TXNDC16: variants seen among roughly 807,000 people sequenced by gnomAD.
TXNDC16 encodes thioredoxin domain containing 16.
Under a neutral mutation model 85.6 loss-of-function variants are expected in TXNDC16, and 74 were observed. The observed-to-expected ratio is 0.86, with a 90% CI of 0.72 to 1.05. The LOEUF (loss-of-function observed/expected upper bound fraction) is 1.05. Ranked by LOEUF, TXNDC16 falls within the 50% of genes least tolerant of loss-of-function variation. The pLI, the probability that TXNDC16 is intolerant of heterozygous loss-of-function variation, is 0.00. For synonymous variants in TXNDC16, 335 were observed against 326.5 expected (o/e 1.03, Z -0.28); for missense variants, 959 against 947.0 (o/e 1.01, Z -0.17).
At chr14:52,537,708 T>C (rs370044734) in intron 4 of TXNDC16, 36 bp from the exon 5 acceptor site, 2 of 1,231,966 alleles carry the variant, frequency 1.6e-6, no homozygotes, top group African/African-American at 1.5e-5. Flanking sequence ...AGCATATATA[T>C]CAAAAGGTCA....
chr14:52,533,822 A>C (rs1010726020), intron 6 of TXNDC16, among the ~76,000 whole-genome samples: 10 of 152,148 alleles, frequency 6.6e-5, no homozygotes, highest in Non-Finnish European at 1.3e-4. Context: ...GTGTGGGGTA[A>C]GAGCGGAAAG....
chr14:52,470,458 G>GA (rs1211426403), intron 15 of TXNDC16, 54 bp downstream of exon 15: 1 of 1,536,944 alleles, frequency 6.5e-7, no homozygotes, highest in Non-Finnish European at 8.7e-7. Context: ...CTGAGAATTA[G>GA]AACTTCTAAA....
intron 8 of TXNDC16, among the ~76,000 whole-genome samples, chr14:52,512,336 A>G (rs1170012260): frequency 6.6e-6 from 1 of 152,220 alleles, no homozygotes; most frequent in Non-Finnish European, 1.5e-5. Flanking sequence ...TATAAGGAAC[A>G]AGGAAATATT....
At chr14:52,476,457 GA>G (rs889704451) in intron 14 of TXNDC16, among the ~76,000 whole-genome samples, 5 of 151,966 alleles carry the variant, frequency 3.3e-5, no homozygotes, top group Non-Finnish European at 7.4e-5. Flanking sequence ...AGTAAAGGGA[GA>G]AATATTCAAT....
intron 16 of TXNDC16, among the ~76,000 whole-genome samples, chr14:52,462,083 C>T (rs1350572372): frequency 2.6e-5 from 4 of 152,200 alleles, no homozygotes; most frequent in African/African-American, 9.7e-5. Context: ...TACCAAATAT[C>T]ACACATACAT....
intron 9 of TXNDC16, among the ~76,000 whole-genome samples, chr14:52,508,810 G>C (rs186790876): frequency 6.6e-6 from 1 of 152,204 alleles, no homozygotes; most frequent in Admixed American, 6.5e-5. Context: ...GCAAAGTATT[G>C]CAAGGACAAA....
chr14:52,495,899 C>T (rs2036520275), intron 9 of TXNDC16, among the ~76,000 whole-genome samples: 1 of 152,128 alleles, frequency 6.6e-6, no homozygotes, highest in Non-Finnish European at 1.5e-5. Flanking sequence ...GTGGCTCACG[C>T]CTGTAATCCC....
chr14:52,459,214 T>C (rs987089778), intron 16 of TXNDC16, among the ~76,000 whole-genome samples: 2 of 152,110 alleles, frequency 1.3e-5, no homozygotes, highest in African/African-American at 4.8e-5. Context: ...CACACACACA[T>C]ACATACATCT....
rs1240405265 is a variant in TXNDC16 at position 52,506,803 on chromosome 14, G to A, written c.756+4437C>T. ...GATCTCCTGACCTCATGATCCACCC[G>A]CCTCGGCCTCCCAAAGTGCTGGGAT... On this transcript the variant is annotated intron_variant, in intron 9 of 20. Transcript: ENST00000281741. 4.2e-5 allele frequency among the ~76,000 whole-genome samples: 6 copies of A among 144,170 alleles called. No individual in the cohort carries two copies. In the East Asian group the frequency reaches 1.1e-3, roughly 26 times the overall value. The allele number at this position is 144,170 out of a possible 152,430, so 94.6% of individuals were successfully genotyped here.
chr14:52,461,136 C>T (rs1389830968), intron 16 of TXNDC16, among the ~76,000 whole-genome samples: 1 of 151,178 alleles, frequency 6.6e-6, no homozygotes, highest in East Asian at 2.0e-4. Flanking sequence ...CTTTCCTCAC[C>T]AAAAATATAT....
At chr14:52,539,967 T>G (rs1313106807) in intron 4 of TXNDC16, among the ~76,000 whole-genome samples, 1 of 152,010 alleles carries the variant, frequency 6.6e-6, no homozygotes, top group Non-Finnish European at 1.5e-5. Flanking sequence ...GTACTTTACG[T>G]TTTTTTTCTG....
At chr14:52,534,133 G>C (rs1050218409) in intron 6 of TXNDC16, among the ~76,000 whole-genome samples, 5 of 151,980 alleles carry the variant, frequency 3.3e-5, no homozygotes, top group Non-Finnish European at 7.4e-5. Flanking sequence ...GCCTACAGCT[G>C]GACTCCTCAC....
chr14:52,529,537 G>A lies in TXNDC16; in HGVS notation c.392+7182C>T, dbSNP rs1362866814. Among the ~76,000 whole-genome samples, 18 of 95,178 alleles carry A rather than the reference G, an allele frequency of 1.9e-4. 1 individual carries two copies. The highest frequency in any genetic ancestry group is 3.0e-4 in the Non-Finnish European group (15 of 49,680). The allele number at this position is 95,178 out of a possible 152,430, so 62.4% of individuals were successfully genotyped here. On this transcript the variant is annotated intron_variant, in intron 6 of 20. Transcript: ENST00000281741. ...GCCTATTATATATATTATATATAAT[G>A]CCTATTATATATAATATATATAATG...
chr14:52,456,359 G>C (rs2035534045), intron 17 of TXNDC16, among the ~76,000 whole-genome samples: 1 of 150,616 alleles, frequency 6.6e-6, no homozygotes, highest in African/African-American at 2.4e-5. Flanking sequence ...CAGATGGACA[G>C]TCCTCATATT....
chr14:52,457,476 C>T (rs2035561400), intron 16 of TXNDC16, among the ~76,000 whole-genome samples: 3 of 152,012 alleles, frequency 2.0e-5, no homozygotes, highest in South Asian at 4.1e-4. Context: ...TACTTTTTGC[C>T]TTTTAATTTA....
chr14:52,492,886 C>T (rs1049250770), intron 9 of TXNDC16, among the ~76,000 whole-genome samples: 1 of 152,194 alleles, frequency 6.6e-6, no homozygotes, highest in Non-Finnish European at 1.5e-5. Flanking sequence ...CCAACCCCAA[C>T]TGCCTTGAAG....
chr14:52,439,447 T>G, intron 19 of TXNDC16, 53 bp from the exon 20 acceptor site: 1 of 1,483,306 alleles, frequency 6.7e-7, no homozygotes, highest in African/African-American at 1.4e-5. Flanking sequence ...AACAAAATAA[T>G]GAAAATAGTA....
chr14:52,516,027 A>G lies in TXNDC16; in HGVS notation c.515-1057T>C, dbSNP rs1398455751. ...TAATTTCTTCCTAAACTCTTCCACA[A>G]TTTTCTAACTCTCTCAATACTTCAA... On this transcript the variant is annotated intron_variant, in intron 7 of 20. Transcript: ENST00000281741. Among the ~76,000 whole-genome samples, 7 of 152,084 alleles carry G rather than the reference A, an allele frequency of 4.6e-5. No individual in the cohort carries two copies. In the East Asian group the frequency reaches 1.3e-3, roughly 29 times the overall value.
chr14:52,484,502 G>A (rs2036222455), intron 12 of TXNDC16, among the ~76,000 whole-genome samples: 2 of 152,192 alleles, frequency 1.3e-5, no homozygotes, highest in Admixed American at 6.5e-5. Flanking sequence ...ATCTGGTGAT[G>A]TAGTGGCCAT....
Sources: gnomAD v4.1 joint callset for allele counts (sites outside exome capture counted in the v4.1 genomes callset) on GRCh38, gnomAD v4.1.1 for gene constraint, MANE v1.5 for transcripts, NCBI Gene and HGNC (gene_info 2026-07-23, HGNC 2026-07-21) for gene names.